Variants in ZNF687 observed in about 807,000 individuals in gnomAD.
ZNF687 encodes zinc finger protein 687.
In ZNF687, 13 loss-of-function variants were observed where a neutral mutation model predicts 71.8. The observed-to-expected ratio is 0.18, with a 90% CI of 0.12 to 0.29. The LOEUF is 0.29. Among genes scored for constraint, ZNF687 ranks in the 10% least tolerant of loss-of-function variants. The probability of loss-of-function intolerance (pLI) is 1.00; values close to 1 mark genes in which losing one functional copy is unlikely to be tolerated. For missense variants in ZNF687, 1,412 were observed against 1,625.6 expected (o/e 0.87, Z 2.26); for synonymous variants, 673 against 641.6 (o/e 1.05, Z -0.74).
In ZNF687 at chr1:151,288,608, C is replaced by A. The variant is rs201573792; in HGVS notation, c.2196C>A (p.Pro732=). 1.9e-6 allele frequency: 3 copies of A among 1,614,158 alleles called. No homozygotes were observed. Among genetic ancestry groups the A allele is most frequent in the Middle Eastern group, 1.6e-4 (1 of 6,062 alleles). ...AHQRMHKNRP[P]HVCPECGGNF... is the part of the protein sequence containing the mutation. ...AGCGCATGCATAAGAATCGACCCCC[C>A]CATGTCTGTCCTGAGTGTGGGGGCA... Residue 732 remains proline (P), a synonymous_variant, in exon 3 of 9, where the codon CCC becomes CCA. Transcript: ENST00000336715.
At position 151,287,544 on chromosome 1, in the gene ZNF687, G is replaced by C; in HGVS notation, c.1253G>C (p.Ser418Thr). ...AGTACTGCCATGCTGATGGCAGCCA[G>C]TGTGGCTCGCAAGGCTGTGGTGCTG... ...NASTAMLMAASVARKAVVLPG... is the reference protein window; with the variant it reads ...NASTAMLMAATVARKAVVLPG... Residue 418 changes from serine (S) to threonine (T), a missense_variant, in exon 2 of 9, where the codon AGT becomes ACT. Around this residue, in one of 8 missense-constraint regions of ZNF687, gnomAD observed 133 missense variants for 155.1 expected, o/e 0.86. Coordinates refer to ENST00000336715, the MANE Select transcript of ZNF687 (RefSeq NM_020832.3). This position sits in a 1 kb window ranked among gnomAD's most constrained non-coding sequence, Gnocchi z 5.0. 1 of 1,614,146 alleles carries C rather than the reference G, an allele frequency of 6.2e-7. No individual in the cohort carries two copies. The highest frequency in any genetic ancestry group is 8.5e-7 in the Non-Finnish European group (1 of 1,180,040).
intron 1 of ZNF687, chr1:151,283,178 C>G (rs769140784): frequency 3.8e-5 from 37 of 985,332 alleles, no homozygotes; most frequent in Non-Finnish European, 4.1e-5. Flanking sequence ...GCCCCCTCCT[C>G]GAAACCCAGG....
chr1:151,288,327 A>G lies in ZNF687; in HGVS notation c.2036A>G (p.Lys679Arg), dbSNP rs587702531. Reference protein sequence around the residue: ...AYTCFRCLECKEQCRDKAGMA... With the variant: ...AYTCFRCLECREQCRDKAGMA... ...ACATGCTTTCGCTGCCTGGAGTGCA[A>G]GGAACAGTGCCGGGACAAGGCTGGC... Residue 679 changes from lysine to arginine, a missense_variant, in exon 2 of 9, where the codon AAG becomes AGG. By Grantham distance (26) the Lys-to-Arg change is conservative. Transcript: ENST00000336715. The G allele has an allele frequency of 6.2e-7, 1 of 1,612,230 alleles. No homozygotes were observed. The highest frequency in any genetic ancestry group is 1.3e-5 in the African/African-American group (1 of 75,044).
At position 151,286,817 on chromosome 1, in the gene ZNF687, C is replaced by T. The variant is rs903938403; in HGVS notation, c.526C>T (p.Pro176Ser). The change falls in exon 2 of 9, where the codon CCG becomes TCG. Residue 176 changes from proline to serine, a missense_variant. Physicochemically the swap from Pro to Ser is moderately conservative, Grantham distance 74. Transcript: ENST00000336715. ...FGPEPGDHSD[P>S]LPPSAPSPTR... ...CCCTGAGCCAGGGGACCACTCAGATCCGCTGCCTCCCTCTGCACCCTCTCC... is the reference window on the plus strand; with the variant it reads ...CCCTGAGCCAGGGGACCACTCAGATTCGCTGCCTCCCTCTGCACCCTCTCC... The T allele has an allele frequency of 6.2e-7, 1 of 1,614,094 alleles. No homozygotes were observed. The highest frequency in any genetic ancestry group is 1.1e-5 in the South Asian group (1 of 91,088).
chr1:151,291,490 T>TG lies in ZNF687; in HGVS notation c.*286dup. On this transcript the variant is annotated 3_prime_UTR_variant, in exon 9 of 9. Transcript: ENST00000336715. ...TGCTGCAGAACCCCCAGTGTGGGCC[T>TG]GGGGGTGGGAGGATGGGACTTAGGT... 1 of 385,790 alleles carries TG rather than the reference T, an allele frequency of 2.6e-6. No homozygotes were observed. Among genetic ancestry groups the TG allele is most frequent in the Non-Finnish European group, 4.8e-6 (1 of 210,484 alleles). The allele number at this position is 385,790 out of a possible 1,614,324, so 23.9% of individuals were successfully genotyped here.
chr1:151,287,252 G>A lies in ZNF687; in HGVS notation c.961G>A (p.Ala321Thr). 6.2e-7 allele frequency: 1 copy of A among 1,614,114 alleles called. No homozygotes were observed. Among genetic ancestry groups the A allele is most frequent in the Non-Finnish European group, 8.5e-7 (1 of 1,180,034 alleles). The change falls in exon 2 of 9, where the codon GCC (alanine) becomes ACC (threonine). Residue 321 changes from alanine to threonine, a missense_variant. Around this residue, in one of 8 missense-constraint regions of ZNF687, gnomAD observed 490 missense variants for 489.9 expected, o/e 1.00. Transcript: ENST00000336715. The surrounding 1 kb of genome is among the most constrained non-coding windows in gnomAD (Gnocchi z 5.0). The part of the protein sequence containing the change: ...AADEDSNDSP[A>T]SSSSRPLKVR... Reference sequence around the variant, plus strand: ...AGATGAGGACAGCAATGACTCCCCTGCCTCCAGCTCCTCTAGGCCTCTTAA... The same window carrying A: ...AGATGAGGACAGCAATGACTCCCCTACCTCCAGCTCCTCTAGGCCTCTTAA...
In ZNF687 at chr1:151,287,649, A is replaced by G; in HGVS notation, c.1358A>G (p.Asp453Gly). Residue 453 changes from aspartate (D) to glycine (G), a missense_variant, in exon 2 of 9, where the codon GAC becomes GGC. Asp to Gly is a moderately conservative substitution (Grantham distance 94, BLOSUM62 -1). Around this residue, in one of 8 missense-constraint regions of ZNF687, gnomAD observed 133 missense variants for 155.1 expected, o/e 0.86. Coordinates refer to ENST00000336715, the MANE Select transcript of ZNF687 (RefSeq NM_020832.3). This position sits in a 1 kb window ranked among gnomAD's most constrained non-coding sequence, Gnocchi z 5.0. ...GTGCCCCAAGCCCTGCCTAAGGCTG[A>G]CGGGCGGGCAGGGCTGGGGACTGGG... ...GLVPQALPKA[D>G]GRAGLGTGGQ... is the part of the protein sequence containing the mutation. 2 of 1,613,210 alleles carry G rather than the reference A, an allele frequency of 1.2e-6. No individual in the cohort carries two copies. Among genetic ancestry groups the G allele is most frequent in the South Asian group, 2.2e-5 (2 of 91,014 alleles).
At position 151,291,446 on chromosome 1, in the gene ZNF687, CTAAT is replaced by C. The variant is rs1166579889; in HGVS notation, c.*243_*246del. ...CCATTCCTCCTTTCTGAGCCCAACA[CTAAT>C]TAATTTTATGCTCCTGCTGCAGAAC... On this transcript the variant is annotated 3_prime_UTR_variant, in exon 9 of 9. Coordinates refer to ENST00000336715, the MANE Select transcript of ZNF687 (RefSeq NM_020832.3). The C allele has an allele frequency of 5.9e-6, 3 of 505,212 alleles. No individual in the cohort carries two copies. Among genetic ancestry groups the C allele is most frequent in the African/African-American group, 1.9e-5 (1 of 51,702 alleles). The allele number at this position is 505,212 out of a possible 1,614,324, so 31.3% of individuals were successfully genotyped here.
Position 151,289,432 on chromosome 1 carries a change from C to T in ZNF687, c.2526C>T (p.Leu842=). The T allele has an allele frequency of 1.2e-6, 2 of 1,614,200 alleles. No homozygotes were observed. Among genetic ancestry groups the T allele is most frequent in the Non-Finnish European group, 1.7e-6 (2 of 1,180,058 alleles). The stretch of plus-strand genomic sequence containing the variant: ...CAGTCTTCACTCACAAACCCCTCCT[C>T]TCCTCACACTTCGACCAGCACTTGC... The part of the protein sequence containing the change: ...CDTVFTHKPL[L]SSHFDQHLLP... Residue 842 remains leucine, a synonymous_variant, in exon 5 of 9, where the codon CTC becomes CTT. Transcript: ENST00000336715.
upstream of ZNF687, chr1:151,282,082 A>G (rs9887870): frequency 1.5e-3 from 1,890 of 1,285,504 alleles, 27 homozygotes; most frequent in African/African-American, 0.025. Flanking sequence ...GGGGAGAGGT[A>G]TCTTCAGAGG....
chr1:151,283,379 C>T lies in ZNF687; in HGVS notation c.-18+984C>T, dbSNP rs587618507. ...GCCTCTTCCTGTTCAGCCTCTTTGG[C>T]TTTTGGGGAACCACAGAGGGAAAGG... On this transcript the variant is annotated intron_variant, in intron 1 of 8. Transcript: ENST00000336715. The T allele has an allele frequency of 5.8e-5, 53 of 914,786 alleles. 1 individual carries two copies. In the South Asian group the frequency reaches 2.2e-3, roughly 38 times the overall value. 56.7% of individuals were successfully genotyped at this position (914,786 alleles called of 1,614,324 possible). A position where few individuals can be genotyped will look rare whatever the true frequency, so the allele number is the denominator to read the frequency against.
At chr1:151,290,338 G>C in intron 7 of ZNF687, 94 bp from the exon 8 acceptor site, 1 of 1,610,474 alleles carries the variant, frequency 6.2e-7, no homozygotes, top group Non-Finnish European at 8.5e-7. Flanking sequence ...TGATGGTTGG[G>C]GTCTCCCTCT....
Position 151,287,922 on chromosome 1 carries a change from T to C in ZNF687, c.1631T>C (p.Leu544Ser). 1 of 1,613,618 alleles carries C rather than the reference T, an allele frequency of 6.2e-7. No individual in the cohort carries two copies. Among genetic ancestry groups the C allele is most frequent in the Non-Finnish European group, 8.5e-7 (1 of 1,179,944 alleles). The change falls in exon 2 of 9, where the codon TTG becomes TCG. Residue 544 changes from leucine to serine, a missense_variant. Leu to Ser is a moderately radical substitution (Grantham distance 145). Coordinates refer to ENST00000336715, the MANE Select transcript of ZNF687 (RefSeq NM_020832.3). The surrounding 1 kb of genome is among the most constrained non-coding windows in gnomAD (Gnocchi z 5.0). ...RCLECGDAFS[L>S]EKSLARHYDR... is the part of the protein sequence containing the mutation. ...CTGGAGTGTGGGGATGCCTTCTCAT[T>C]GGAGAAGAGCCTGGCACGGCACTAT...
At chr1:151,289,305 G>A in intron 4 of ZNF687, 34 bp downstream of exon 4, 1 of 1,612,822 alleles carries the variant, frequency 6.2e-7, no homozygotes, top group Non-Finnish European at 8.5e-7. Flanking sequence ...CTGGGCCAGG[G>A]AGGGCTGGTG....
chr1:151,281,586 TC>T (rs3841059), upstream of ZNF687: 90 of 471,146 alleles, frequency 1.9e-4, 2 homozygotes, highest in East Asian at 4.1e-3. Flanking sequence ...CCGTGCCCCG[TC>T]CACGCCCTCC....
At chr1:151,290,643 AG>A (rs1694192093) in intron 8 of ZNF687, 70 bp downstream of exon 8, 8 of 1,580,832 alleles carry the variant, frequency 5.1e-6, no homozygotes, top group Non-Finnish European at 6.9e-6. Flanking sequence ...CCATGGCCTC[AG>A]GAAGCGAGCA....
Position 151,287,662 on chromosome 1 carries a change from G to A in ZNF687, c.1371G>A (p.Gly457=). ...QALPKADGRA[G]LGTGGQKVNG... ...TGCCTAAGGCTGACGGGCGGGCAGG[G>A]CTGGGGACTGGGGGACAGAAGGTGA... The change falls in exon 2 of 9, where the codon GGG becomes GGA. Residue 457 remains glycine (G), a synonymous_variant. Coordinates refer to ENST00000336715, the MANE Select transcript of ZNF687 (RefSeq NM_020832.3). The surrounding 1 kb of genome is among the most constrained non-coding windows in gnomAD (Gnocchi z 5.0). The A allele has an allele frequency of 6.2e-7, 1 of 1,613,528 alleles. No homozygotes were observed. Among genetic ancestry groups the A allele is most frequent in the East Asian group, 2.2e-5 (1 of 44,872 alleles).
intron 1 of ZNF687, among the ~76,000 whole-genome samples, chr1:151,284,712 C>G (rs915964232): frequency 2.7e-5 from 4 of 150,050 alleles, no homozygotes; most frequent in Non-Finnish European, 5.9e-5. Context: ...AAATCGTATT[C>G]TTGGTGGGAT....
At position 151,289,671 on chromosome 1, in the gene ZNF687, C is replaced by G; in HGVS notation, c.2635-7C>G. ...ACAACAGCAACCTCCCTTGTCTCCT[C>G]TCACAGAACACCCATCAGTCTGGGC... On this transcript the variant is annotated splice_polypyrimidine_tract_variant and splice_region_variant and intron_variant, in intron 5 of 8. Coordinates refer to ENST00000336715, the MANE Select transcript of ZNF687 (RefSeq NM_020832.3). 2 of 1,578,470 alleles carry G rather than the reference C, an allele frequency of 1.3e-6. No homozygotes were observed. Among genetic ancestry groups the G allele is most frequent in the Non-Finnish European group, 1.7e-6 (2 of 1,160,000 alleles).
Sources: gnomAD v4.1 joint callset for allele counts (sites outside exome capture counted in the v4.1 genomes callset) on GRCh38, gnomAD v4.1.1 for gene constraint, gnomAD v4.1.1 regional missense constraint, Gnocchi (gnomAD v3.1) non-coding constraint, MANE v1.5 for transcripts, NCBI Gene and HGNC (gene_info 2026-07-23, HGNC 2026-07-21) for gene names.